The following XPR1 variants were observed in gnomAD, a reference collection of about 807,000 sequenced individuals.
XPR1 encodes solute carrier family 53 member 1.
In XPR1, 28 loss-of-function variants were observed where a neutral mutation model predicts 87.5. The observed-to-expected ratio is 0.32, with a 90% confidence interval of 0.24 to 0.44. XPR1 has a LOEUF of 0.44. Ranked by LOEUF, XPR1 falls within the 20% of genes least tolerant of loss-of-function variation. The pLI, the probability that XPR1 is intolerant of heterozygous loss-of-function variation, is 1.00. For synonymous variants in XPR1, 300 were observed against 306.1 expected (o/e 0.98, Z 0.21); for missense variants, 559 against 862.3 (o/e 0.65, Z 4.41).
Position 180,659,589 on chromosome 1 carries a change from ACCCCCAC to A in XPR1, c.70-22758_70-22752del, listed in dbSNP as rs1227409652. Reference sequence around the variant, plus strand: ...ACCCACCACACCCCCCAGCCACCGCACCCCCACCCCCCACCCCCCGCCGGGTTCAAGC... The same window carrying A: ...ACCCACCACACCCCCCAGCCACCGCACCCCCACCCCCCGCCGGGTTCAAGC... On this transcript the variant is annotated intron_variant, in intron 1 of 14. Transcript: ENST00000367590. Among the ~76,000 whole-genome samples, 6 of 8,622 alleles carry A rather than the reference ACCCCCAC, an allele frequency of 7.0e-4. 1 individual carries two copies. The South Asian group carries it at 0.018, about 26-fold the overall frequency. 5.7% of individuals were successfully genotyped at this position (8,622 alleles called of 152,430 possible). A position where few individuals can be genotyped will look rare whatever the true frequency, so the allele number is the denominator to read the frequency against.
chr1:180,649,481 T>TA (rs1273509908), intron 1 of XPR1, among the ~76,000 whole-genome samples: 1 of 152,132 alleles, frequency 6.6e-6, no homozygotes, highest in Non-Finnish European at 1.5e-5. Flanking sequence ...AACTAAATAT[T>TA]AAGTGCTTAA....
intron 3 of XPR1, among the ~76,000 whole-genome samples, chr1:180,797,639 A>T (rs565723818): frequency 2.0e-5 from 3 of 152,328 alleles, no homozygotes; most frequent in Non-Finnish European, 4.4e-5. Context: ...ATTTTATTAC[A>T]TATGATATTC....
chr1:180,764,846 C>T (rs1648210835), intron 2 of XPR1, among the ~76,000 whole-genome samples: 1 of 141,558 alleles, frequency 7.1e-6, no homozygotes, highest in East Asian at 2.1e-4. Flanking sequence ...AGTGCAGTGG[C>T]GCAATCTGGG....
intron 2 of XPR1, among the ~76,000 whole-genome samples, chr1:180,710,635 A>C (rs890892797): frequency 2.6e-5 from 4 of 152,188 alleles, no homozygotes; most frequent in Non-Finnish European, 4.4e-5. Context: ...TGATTTCTCT[A>C]TCTTTTCCCC....
At chr1:180,734,330 C>T (rs1021200839) in intron 2 of XPR1, among the ~76,000 whole-genome samples, 2 of 152,100 alleles carry the variant, frequency 1.3e-5, no homozygotes, top group Non-Finnish European at 1.5e-5. Context: ...CTCTGACCAA[C>T]TAAAATTAGG....
intron 1 of XPR1, among the ~76,000 whole-genome samples, chr1:180,661,733 G>C (rs1268570327): frequency 6.6e-6 from 1 of 152,034 alleles, no homozygotes; most frequent in African/African-American, 2.4e-5. Context: ...AAATTAGCTG[G>C]GCATGGTGGC....
chr1:180,652,718 T>A (rs890640454), intron 1 of XPR1, among the ~76,000 whole-genome samples: 4 of 152,234 alleles, frequency 2.6e-5, no homozygotes, highest in African/African-American at 9.6e-5. Context: ...TGTAATAACA[T>A]GTAAATTTTG....
chr1:180,752,203 A>G (rs2102038872), intron 2 of XPR1, among the ~76,000 whole-genome samples: 1 of 152,336 alleles, frequency 6.6e-6, no homozygotes, highest in Non-Finnish European at 1.5e-5. Flanking sequence ...TGGGATGGAA[A>G]AGGAATGTTG....
chr1:180,774,384 C>CTTTTTTTTTT, intron 2 of XPR1, among the ~76,000 whole-genome samples: 1 of 68,900 alleles, frequency 1.5e-5, no homozygotes. Flanking sequence ...TCTTTCCTAT[C>CTTTTTTTTTT]TTTTTTTTTT....
rs977174570 is a variant in XPR1 at position 180,836,625 on chromosome 1, A to G, written c.1410A>G (p.Thr470=). The G allele has an allele frequency of 6.2e-7, 1 of 1,614,142 alleles. No individual in the cohort carries two copies. Among genetic ancestry groups the G allele is most frequent in the East Asian group, 2.2e-5 (1 of 44,890 alleles). Residue 470 remains threonine, a synonymous_variant, in exon 11 of 15, where the codon ACA becomes ACG. Transcript: ENST00000367590. ...AGTGCCTGCGCCGATATCGAGACAC[A>G]AAAAGGGCCTTTCCTCATTTAGTTA... is the stretch of plus-strand genomic sequence containing the variant. ...FIQCLRRYRD[T]KRAFPHLVNA... is the part of the protein sequence containing the mutation.
chr1:180,772,469 A>ATG (rs140686059), intron 2 of XPR1, among the ~76,000 whole-genome samples: 136 of 151,878 alleles, frequency 9.0e-4, no homozygotes, highest in Middle Eastern at 3.4e-3. Flanking sequence ...GCTAAGAAAT[A>ATG]TGTGTGTGTG....
chr1:180,817,838 T>C (rs1650467790), intron 7 of XPR1, among the ~76,000 whole-genome samples: 1 of 152,222 alleles, frequency 6.6e-6, no homozygotes, highest in African/African-American at 2.4e-5. Flanking sequence ...GCTTGTAATA[T>C]GCTGTGTTCT....
At chr1:180,703,030 A>C (rs1297289871) in intron 2 of XPR1, among the ~76,000 whole-genome samples, 1 of 152,010 alleles carries the variant, frequency 6.6e-6, no homozygotes, top group Non-Finnish European at 1.5e-5. Context: ...GTAGTTTCTG[A>C]ATTATTTATG....
chr1:180,634,162 AC>A (rs1446840698), intron 1 of XPR1, among the ~76,000 whole-genome samples: 1 of 152,190 alleles, frequency 6.6e-6, no homozygotes, highest in African/African-American at 2.4e-5. Context: ...CTAAATGTTT[AC>A]TGTAGGTTGG....
intron 2 of XPR1, among the ~76,000 whole-genome samples, chr1:180,733,442 A>T (rs944373262): frequency 1.3e-5 from 2 of 152,188 alleles, no homozygotes; most frequent in African/African-American, 4.8e-5. Flanking sequence ...TCCAACAAAT[A>T]CAGTCAGTAT....
chr1:180,848,183 A>C (rs990603585), intron 11 of XPR1, among the ~76,000 whole-genome samples: 2 of 152,192 alleles, frequency 1.3e-5, no homozygotes, highest in Non-Finnish European at 2.9e-5. Flanking sequence ...AACACTCACT[A>C]TCCTTCTAGC....
intron 9 of XPR1, among the ~76,000 whole-genome samples, chr1:180,833,030 T>C (rs1004803810): frequency 6.6e-6 from 1 of 152,224 alleles, no homozygotes; most frequent in African/African-American, 2.4e-5. Context: ...TCCTCTCTTA[T>C]TTCCTTGAGC....
intron 2 of XPR1, among the ~76,000 whole-genome samples, chr1:180,727,239 G>A (rs1359427391): frequency 6.6e-6 from 1 of 152,134 alleles, no homozygotes; most frequent in Non-Finnish European, 1.5e-5. Flanking sequence ...GATGCCTGAA[G>A]CGGTTATATT....
chr1:180,670,117 TTG>T (rs1656115433), intron 1 of XPR1, among the ~76,000 whole-genome samples: 1 of 152,194 alleles, frequency 6.6e-6, no homozygotes, highest in Admixed American at 6.5e-5. Context: ...TTCAATTTGT[TTG>T]TGTCTTTAGA....
Sources: allele counts gnomAD v4.1 joint callset (sites outside exome capture counted in the v4.1 genomes callset), GRCh38; gene constraint gnomAD v4.1.1; transcripts MANE v1.5; gene names NCBI Gene and HGNC (gene_info 2026-07-23, HGNC 2026-07-21).